Variants in TEX101 observed in about 807,000 individuals in gnomAD.
TEX101 encodes the protein testis expressed 101, also known as testis-expressed protein 101.
Under a neutral mutation model 18.1 loss-of-function variants are expected in TEX101, and 10 were observed. That is an observed-to-expected ratio of 0.55 (90% CI 0.34 to 0.94). TEX101 has a LOEUF of 0.94. Among genes scored for constraint, TEX101 ranks in the 40% least tolerant of loss-of-function variants. TEX101 has a pLI of 0.02. For missense variants in TEX101, 259 were observed against 298.9 expected, an observed-to-expected ratio of 0.87 and a Z score of 0.98; for synonymous variants, 94 against 114.8, an observed-to-expected ratio of 0.82 and a Z score of 1.16.
intron 2 of TEX101, among the ~76,000 whole-genome samples, chr19:43,404,743 A>T (rs1229871156): frequency 2.6e-5 from 4 of 151,422 alleles, no homozygotes; most frequent in Non-Finnish European, 5.9e-5. Flanking sequence ...ATAATAAATT[A>T]TATATATGTT....
intron 2 of TEX101, among the ~76,000 whole-genome samples, chr19:43,405,549 CAAAA>C (rs1163062557): frequency 3.0e-3 from 114 of 38,496 alleles, no homozygotes; most frequent in African/African-American, 9.9e-3. Flanking sequence ...AACTCTGTCT[CAAAA>C]AAAAAAAAAA....
the TEX101 span, among the ~76,000 whole-genome samples, chr19:43,393,344 C>T: frequency 6.6e-6 from 1 of 152,158 alleles, no homozygotes; most frequent in African/African-American, 2.4e-5. Flanking sequence ...GGGGGCTGAG[C>T]GCACAGCCTG....
At chr19:43,393,074 GGGAAGGAAGGAAGGAA>G in the TEX101 span, among the ~76,000 whole-genome samples, 1 of 129,402 alleles carries the variant, frequency 7.7e-6, no homozygotes, top group Non-Finnish European at 1.6e-5. Context: ...AAAGAAAGAA[GGGAAGGAAGGAAGGAA>G]GGAAGGAAGG....
chr19:43,389,896 A>C, the TEX101 span, among the ~76,000 whole-genome samples: 35 of 152,162 alleles, frequency 2.3e-4, no homozygotes, highest in Admixed American at 5.2e-4. Flanking sequence ...TCCTTGAATG[A>C]ATACAGTTGT....
Position 43,416,409 on chromosome 19 carries a change from T to A in TEX101, c.245T>A (p.Ile82Asn). 6.2e-7 allele frequency: 1 copy of A among 1,614,110 alleles called. No homozygotes were observed. The highest frequency in any genetic ancestry group is 8.5e-7 in the Non-Finnish European group (1 of 1,180,004). The change falls in exon 4 of 6, where the codon ATC becomes AAC. Residue 82 changes from isoleucine to asparagine, a missense_variant. Ile to Asn is a moderately radical substitution (Grantham distance 149). Transcript: ENST00000598265. Reference protein sequence around the residue: ...ETAILATKGCIPEGEEAITIV... With the variant: ...ETAILATKGCNPEGEEAITIV... ...GCCATTTTGGCCACGAAGGGCTGCA[T>A]CCCGGAAGGGGAGGAGGCCATAACA...
upstream of TEX101, among the ~76,000 whole-genome samples, chr19:43,399,657 T>C (rs527758873): frequency 2.2e-4 from 33 of 152,272 alleles, no homozygotes; most frequent in East Asian, 6.0e-3. Flanking sequence ...CAAAGTAAAC[T>C]GATGACATTT....
rs1224620725 is a variant in TEX101 at position 43,406,361 on chromosome 19, C to T, written c.-144C>T. The T allele has an allele frequency of 2.0e-5, 13 of 664,224 alleles. No homozygotes were observed. The East Asian group carries it at 3.2e-4, about 16-fold the overall frequency. 41.1% of individuals were successfully genotyped at this position (664,224 alleles called of 1,614,324 possible). A position where few individuals can be genotyped will look rare whatever the true frequency, so the allele number is the denominator to read the frequency against. On this transcript the variant is annotated 5_prime_UTR_variant, in exon 3 of 8. Transcript: ENST00000602198. Reference sequence around the variant, plus strand: ...ATAGACGCTATTCCCACCGTCCCTACATAGCATCCAGCGACACCACAGCCA... The same window carrying T: ...ATAGACGCTATTCCCACCGTCCCTATATAGCATCCAGCGACACCACAGCCA...
At chr19:43,416,701 T>G (rs1406850043) in intron 4 of TEX101, 146 bp downstream of exon 4, 2 of 804,994 alleles carry the variant, frequency 2.5e-6, no homozygotes, top group African/African-American at 3.4e-5. Flanking sequence ...TGTTTCTGAA[T>G]TGTTCATTGG....
intron 3 of TEX101, among the ~76,000 whole-genome samples, chr19:43,408,075 C>G (rs1474290349): frequency 6.6e-6 from 1 of 152,232 alleles, no homozygotes; most frequent in Non-Finnish European, 1.5e-5. Flanking sequence ...GGGGGTCTCC[C>G]GCGTCCCCAT....
intron 1 of TEX101, among the ~76,000 whole-genome samples, chr19:43,402,349 C>A (rs1176555676): frequency 6.6e-6 from 1 of 152,216 alleles, no homozygotes; most frequent in Non-Finnish European, 1.5e-5. Flanking sequence ...TTAGATTAAG[C>A]AGGCAGGTCT....
At chr19:43,416,282 G>T (rs1172493462) in intron 3 of TEX101, 40 bp downstream of exon 3, 16 of 1,589,722 alleles carry the variant, frequency 1.0e-5, no homozygotes, top group Non-Finnish European at 1.3e-5. Flanking sequence ...TAGGAGGGAG[G>T]TTGATTATCT....
chr19:43,403,750 G>C (rs1461315016), intron 2 of TEX101, among the ~76,000 whole-genome samples: 1 of 151,628 alleles, frequency 6.6e-6, no homozygotes, highest in African/African-American at 2.4e-5. Flanking sequence ...AAATATTATA[G>C]ATAGACATTT....
chr19:43,403,261 A>G (rs1007928517), intron 2 of TEX101, among the ~76,000 whole-genome samples: 14 of 152,228 alleles, frequency 9.2e-5, no homozygotes, highest in Non-Finnish European at 1.9e-4. Flanking sequence ...TTATGTTTAC[A>G]TATATCCCAC....
chr19:43,395,815 A>C, the TEX101 span, among the ~76,000 whole-genome samples: 1 of 152,248 alleles, frequency 6.6e-6, no homozygotes, highest in African/African-American at 2.4e-5. Context: ...TCCGTGGCTC[A>C]GGTCCAGGTG....
chr19:43,389,782 G>T, the TEX101 span, among the ~76,000 whole-genome samples: 1 of 152,118 alleles, frequency 6.6e-6, no homozygotes, highest in Non-Finnish European at 1.5e-5. Flanking sequence ...TTTATGTCCA[G>T]TGGTCACTCC....
the TEX101 span, among the ~76,000 whole-genome samples, chr19:43,394,353 G>T: frequency 6.6e-6 from 1 of 152,060 alleles, no homozygotes; most frequent in South Asian, 2.1e-4. Context: ...TTCTTGCAAA[G>T]ATTATTTCTG....
upstream of TEX101, among the ~76,000 whole-genome samples, chr19:43,398,362 A>C (rs887983065): frequency 7.4e-5 from 11 of 148,188 alleles, no homozygotes; most frequent in Non-Finnish European, 1.5e-4. Context: ...TGCAACCTCC[A>C]CCTCCTGGAT....
the TEX101 span, among the ~76,000 whole-genome samples, chr19:43,394,791 A>G: frequency 3.3e-5 from 5 of 152,098 alleles, no homozygotes; most frequent in Non-Finnish European, 7.4e-5. Flanking sequence ...TATTAATTCA[A>G]TGCCCAGGAC....
chr19:43,411,575 C>T (rs1331921469), upstream of TEX101, among the ~76,000 whole-genome samples: 2 of 152,192 alleles, frequency 1.3e-5, no homozygotes, highest in African/African-American at 2.4e-5. Flanking sequence ...TTTTTACAAA[C>T]GTTCCATGGA....
Sources: allele counts gnomAD v4.1 joint callset (sites outside exome capture counted in the v4.1 genomes callset), GRCh38; gene constraint gnomAD v4.1.1; transcripts MANE v1.5; gene names NCBI Gene and HGNC (gene_info 2026-07-23, HGNC 2026-07-21).